The following CCDC171 variants were observed in gnomAD, a reference collection of about 807,000 sequenced individuals.
CCDC171 encodes coiled-coil domain-containing protein 171.
A neutral mutation model predicts 168.2 loss-of-function variants in CCDC171; 177 were observed. The observed-to-expected ratio is 1.05, with a 90% confidence interval of 0.93 to 1.19. The LOEUF (loss-of-function observed/expected upper bound fraction) is 1.19, where lower values mean the gene tolerates loss of function less well. Ranked by LOEUF, CCDC171 falls within the 50% of genes most tolerant of loss-of-function variation. The pLI is 0.00. For missense variants in CCDC171, 1,991 were observed against 1,539.0 expected (o/e 1.29, Z -4.91); for synonymous variants, 687 against 540.8 (o/e 1.27, Z -3.75).
At chr9:16,086,630 T>C in the CCDC171 span, among the ~76,000 whole-genome samples, 1 of 152,126 alleles carries the variant, frequency 6.6e-6, no homozygotes. Context: ...TGGCTAGCAG[T>C]CTGTCTATTT....
chr9:15,573,239 T>C (rs984240012), intron 3 of CCDC171, among the ~76,000 whole-genome samples: 3 of 152,208 alleles, frequency 2.0e-5, no homozygotes, highest in Admixed American at 6.5e-5. Flanking sequence ...TAATTCTCTT[T>C]GTATTTTTTT....
At chr9:16,037,276 A>G (rs1452443303) in intron 8 of CCDC171, among the ~76,000 whole-genome samples, 1 of 152,214 alleles carries the variant, frequency 6.6e-6, no homozygotes, top group East Asian at 1.9e-4. Context: ...TACAATTATC[A>G]CATGTCTAAA....
chr9:15,645,423 G>C (rs1454779081), intron 7 of CCDC171, among the ~76,000 whole-genome samples: 2 of 152,202 alleles, frequency 1.3e-5, no homozygotes, highest in African/African-American at 2.4e-5. Context: ...GAAGGCTTTA[G>C]ATGATCGGTA....
chr9:16,094,114 G>A, the CCDC171 span, among the ~76,000 whole-genome samples: 7 of 152,172 alleles, frequency 4.6e-5, no homozygotes, highest in African/African-American at 1.4e-4. Context: ...AGAGAGGACC[G>A]TGAGTAAAGG....
chr9:15,726,385 A>G (rs1312661527), intron 14 of CCDC171, among the ~76,000 whole-genome samples: 1 of 152,192 alleles, frequency 6.6e-6, no homozygotes, highest in African/African-American at 2.4e-5. Flanking sequence ...ACAATGAATT[A>G]TCCTTGAGGA....
At chr9:15,884,207 A>G (rs1016518274) in intron 24 of CCDC171, among the ~76,000 whole-genome samples, 5 of 152,160 alleles carry the variant, frequency 3.3e-5, no homozygotes, top group Admixed American at 1.3e-4. Flanking sequence ...CCAGCATGTC[A>G]GTTTCCTCAT....
chr9:16,049,306 T>C (rs960213586), intron 1 of CCDC171, among the ~76,000 whole-genome samples: 1 of 152,200 alleles, frequency 6.6e-6, no homozygotes, highest in Admixed American at 6.5e-5. Flanking sequence ...GTGGACTTAA[T>C]TTTAGGTGTC....
chr9:15,893,251 A>G (rs1820451453), intron 24 of CCDC171, among the ~76,000 whole-genome samples: 1 of 152,136 alleles, frequency 6.6e-6, no homozygotes, highest in Admixed American at 6.6e-5. Flanking sequence ...TTGAAACTGG[A>G]CCCCTTCTTT....
At chr9:16,016,605 G>C (rs10810515) in intron 3 of CCDC171, among the ~76,000 whole-genome samples, 1 of 152,056 alleles carries the variant, frequency 6.6e-6, no homozygotes, top group Non-Finnish European at 1.5e-5. Context: ...CAAATCCAGC[G>C]TAGTGTTACT....
chr9:15,598,902 A>T (rs2042601751), intron 6 of CCDC171, among the ~76,000 whole-genome samples: 1 of 152,044 alleles, frequency 6.6e-6, no homozygotes, highest in Non-Finnish European at 1.5e-5. Flanking sequence ...ACCATTATGT[A>T]ATGGCCTTCT....
chr9:15,891,378 T>G (rs1266652676), intron 24 of CCDC171, among the ~76,000 whole-genome samples: 2 of 152,164 alleles, frequency 1.3e-5, no homozygotes, highest in African/African-American at 4.8e-5. Context: ...CTTTTTGCAC[T>G]AACACTACTC....
intron 24 of CCDC171, among the ~76,000 whole-genome samples, chr9:15,889,896 G>A (rs983550727): frequency 2.0e-5 from 3 of 152,280 alleles, no homozygotes; most frequent in Non-Finnish European, 2.9e-5. Context: ...TTGGTGGTTC[G>A]TATCCTGGAT....
intron 18 of CCDC171, among the ~76,000 whole-genome samples, chr9:15,774,055 G>A (rs2057160530): frequency 6.6e-6 from 1 of 151,930 alleles, no homozygotes; most frequent in African/African-American, 2.4e-5. Context: ...AGACCAGTCT[G>A]GTCAACGTGG....
chr9:15,631,816 T>C (rs867395696), intron 7 of CCDC171, among the ~76,000 whole-genome samples: 79 of 152,302 alleles, frequency 5.2e-4, no homozygotes, highest in African/African-American at 1.7e-3. Flanking sequence ...AAAAAGCTTA[T>C]CCACCATGAT....
rs149501395 is a variant in CCDC171 at position 15,752,454 on chromosome 9, AT to A, written c.2671+6824del. On this transcript the variant is annotated intron_variant, in intron 18 of 25. Transcript: ENST00000380701. Reference sequence around the variant, plus strand: ...CTACTATAAAGACACATGCACACATATGTTTATTGCGGCACCATAGCAAAGA... The same window carrying A: ...CTACTATAAAGACACATGCACACATAGTTTATTGCGGCACCATAGCAAAGA... Among the ~76,000 whole-genome samples the A allele has an allele frequency of 7.6e-3, 1,151 of 152,308 alleles. 9 individuals are homozygous for A. The highest frequency in any genetic ancestry group is 0.026 in the African/African-American group (1,093 of 41,568).
intron 20 of CCDC171, among the ~76,000 whole-genome samples, chr9:15,782,549 A>T (rs776359879): frequency 6.6e-6 from 1 of 152,200 alleles, no homozygotes; most frequent in African/African-American, 2.4e-5. Flanking sequence ...GAAGTCCTGC[A>T]AAATGGTGGG....
chr9:15,646,935 C>T (rs936626171), intron 7 of CCDC171, among the ~76,000 whole-genome samples: 1 of 152,226 alleles, frequency 6.6e-6, no homozygotes, highest in Non-Finnish European at 1.5e-5. Context: ...CACCCCAAAT[C>T]AACAGAATAT....
At chr9:15,955,905 C>T (rs990386125) in intron 25 of CCDC171, among the ~76,000 whole-genome samples, 3 of 151,956 alleles carry the variant, frequency 2.0e-5, no homozygotes, top group Non-Finnish European at 2.9e-5. Flanking sequence ...AACATTAAAG[C>T]AGTACAAGTA....
intron 18 of CCDC171, among the ~76,000 whole-genome samples, chr9:15,762,155 C>CTT (rs763343953): frequency 1.6e-5 from 2 of 122,690 alleles, no homozygotes; most frequent in Admixed American, 8.5e-5. Context: ...GAGCCTGAAG[C>CTT]TTTTTTTTTT....
Sources: gnomAD v4.1 joint callset for allele counts (sites outside exome capture counted in the v4.1 genomes callset) on GRCh38, gnomAD v4.1.1 for gene constraint, MANE v1.5 for transcripts, NCBI Gene and HGNC (gene_info 2026-07-23, HGNC 2026-07-21) for gene names.